Variants in PCNX1 observed in about 807,000 individuals in gnomAD.
The protein encoded by PCNX1 is pecanex-like protein 1.
A neutral mutation model predicts 242.2 loss-of-function variants in PCNX1; 78 were observed. That is an observed-to-expected ratio of 0.32 (90% CI 0.27 to 0.39). The LOEUF is 0.39. PCNX1 is among the 10% of genes least tolerant of loss of function. The probability of loss-of-function intolerance (pLI) is 1.00; values close to 1 mark genes in which losing one functional copy is unlikely to be tolerated. For missense variants in PCNX1, 2,581 were observed against 2,856.5 expected, an observed-to-expected ratio of 0.90 and a Z score of 2.20; for synonymous variants, 1,024 against 1,032.9, an observed-to-expected ratio of 0.99 and a Z score of 0.17.
chr14:70,983,429 C>T (rs951051533), intron 6 of PCNX1, among the ~76,000 whole-genome samples: 2 of 152,022 alleles, frequency 1.3e-5, no homozygotes, highest in South Asian at 2.1e-4. Flanking sequence ...CTCAGCCTCC[C>T]GAGTAGCTGG....
chr14:70,995,505 A>G (rs112342664), intron 7 of PCNX1, among the ~76,000 whole-genome samples: 288 of 152,276 alleles, frequency 1.9e-3, no homozygotes, highest in Non-Finnish European at 3.1e-3. Flanking sequence ...CAGATTGACC[A>G]ATTTACATGT....
At chr14:71,033,669 A>G in intron 17 of PCNX1, 131 bp downstream of exon 17, 2 of 598,986 alleles carry the variant, frequency 3.3e-6, no homozygotes, top group Non-Finnish European at 2.9e-6. Context: ...TTAAGTTTCA[A>G]AATATAATAA....
Position 71,009,621 on chromosome 14 carries a change from A to G in PCNX1, c.2630-13A>G, listed in dbSNP as rs2059765403. ...ATTCTAATGGCTTTTTAAAATAATC[A>G]TTTATTTGCTAGGTAAGTTCTCTTC... On this transcript the variant is annotated splice_polypyrimidine_tract_variant and intron_variant, in intron 8 of 35. Transcript: ENST00000304743. 2.7e-6 allele frequency: 4 copies of G among 1,459,904 alleles called. No individual in the cohort carries two copies. The highest frequency in any genetic ancestry group is 2.8e-5 in the African/African-American group (2 of 71,766). 90.4% of individuals were successfully genotyped at this position (1,459,904 alleles called of 1,614,324 possible).
rs2062583921 is a variant in PCNX1 at position 71,105,374 on chromosome 14, G to C, written c.6235G>C (p.Gly2079Arg). 1 of 1,613,934 alleles carries C rather than the reference G, an allele frequency of 6.2e-7. No homozygotes were observed. The highest frequency in any genetic ancestry group is 1.3e-5 in the African/African-American group (1 of 74,884). The change falls in exon 33 of 36, where the codon GGA becomes CGA. Residue 2079 changes from glycine (G) to arginine (R), a missense_variant. Gly to Arg is a moderately radical substitution (Grantham distance 125). Coordinates refer to ENST00000304743, the MANE Select transcript of PCNX1 (RefSeq NM_014982.3). ...PHSNVTQGSIGNPGQGSGTGL... is the reference protein window; with the variant it reads ...PHSNVTQGSIRNPGQGSGTGL... The stretch of plus-strand genomic sequence containing the variant: ...CAGCAACGTGACCCAGGGAAGCATT[G>C]GAAATCCTGGGCAGGGATCAGGAAC...
chr14:71,023,686 A>G (rs926133011), intron 13 of PCNX1, among the ~76,000 whole-genome samples: 1 of 152,114 alleles, frequency 6.6e-6, no homozygotes, highest in Non-Finnish European at 1.5e-5. Flanking sequence ...TTGAATAAAA[A>G]CTTTGTTATT....
At chr14:70,923,228 C>T (rs2056447772) in intron 1 of PCNX1, among the ~76,000 whole-genome samples, 1 of 151,922 alleles carries the variant, frequency 6.6e-6, no homozygotes. Context: ...TTAAAGATTT[C>T]CCCTATTTTT....
chr14:71,000,733 C>T (rs1442065465), intron 8 of PCNX1, among the ~76,000 whole-genome samples: 1 of 151,856 alleles, frequency 6.6e-6, no homozygotes, highest in East Asian at 1.9e-4. Flanking sequence ...GCCATGTTGG[C>T]CAGGCTGGTC....
chr14:71,032,376 A>T (rs2060412249), intron 16 of PCNX1, among the ~76,000 whole-genome samples: 1 of 152,162 alleles, frequency 6.6e-6, no homozygotes, highest in African/African-American at 2.4e-5. Flanking sequence ...CTGCCACTTA[A>T]CTGGACAAAT....
intron 14 of PCNX1, 69 bp downstream of exon 14, chr14:71,026,357 TATATC>T: frequency 2.2e-6 from 2 of 913,242 alleles, no homozygotes; most frequent in South Asian, 2.1e-5. Flanking sequence ...TACTGATAAA[TATATC>T]AATTATACAG....
At chr14:71,059,445 G>A (rs12884478) in intron 26 of PCNX1, among the ~76,000 whole-genome samples, 9,451 of 151,874 alleles carry the variant, frequency 0.062, 426 homozygotes, top group East Asian at 0.27. Context: ...GTGCAGTGGC[G>A]TGATCACAGC....
At chr14:70,958,824 A>C (rs1332360070) in intron 2 of PCNX1, among the ~76,000 whole-genome samples, 3 of 138,474 alleles carry the variant, frequency 2.2e-5, no homozygotes, top group African/African-American at 7.9e-5. Flanking sequence ...CCTAAACCTG[A>C]GGGTGGGGTC....
intron 1 of PCNX1, among the ~76,000 whole-genome samples, chr14:70,912,213 C>T (rs1245055419): frequency 6.7e-6 from 1 of 148,194 alleles, no homozygotes; most frequent in East Asian, 2.0e-4. Context: ...CCAGCCTGGG[C>T]GACAGAGCGA....
intron 8 of PCNX1, among the ~76,000 whole-genome samples, chr14:70,997,175 A>G (rs998296731): frequency 6.6e-6 from 1 of 152,124 alleles, no homozygotes; most frequent in African/African-American, 2.4e-5. Context: ...TTTTAGTTGT[A>G]AGCAATACTT....
intron 1 of PCNX1, among the ~76,000 whole-genome samples, chr14:70,919,998 A>C (rs1423612437): frequency 6.6e-6 from 1 of 152,044 alleles, no homozygotes; most frequent in Non-Finnish European, 1.5e-5. Flanking sequence ...AGGAAGATTA[A>C]TCACAACTTT....
intron 27 of PCNX1, among the ~76,000 whole-genome samples, chr14:71,075,369 TTA>T (rs1248133855): frequency 1.3e-5 from 2 of 152,174 alleles, no homozygotes; most frequent in Non-Finnish European, 2.9e-5. Context: ...GCCTTCCATT[TTA>T]TGTTTGGCTT....
chr14:71,105,703 G>A (rs549344986), intron 33 of PCNX1, among the ~76,000 whole-genome samples: 4 of 150,854 alleles, frequency 2.7e-5, no homozygotes, highest in African/African-American at 7.3e-5. Context: ...CACCACGCCC[G>A]GCTATTTTTT....
rs533822368 is a variant in PCNX1, at chr14:70,918,334, A to G, written c.153+10331A>G. 1.1e-4 allele frequency among the ~76,000 whole-genome samples: 16 copies of G among 152,298 alleles called. No individual in the cohort carries two copies. The South Asian group carries it at 1.7e-3, about 16-fold the overall frequency. Reference sequence around the variant, plus strand: ...TTTCCAGCTTTTTGTTTAAAGTGAGAGAAACGTGACTCTTCCTTTCACTTG... The same window carrying G: ...TTTCCAGCTTTTTGTTTAAAGTGAGGGAAACGTGACTCTTCCTTTCACTTG... On this transcript the variant is annotated intron_variant, in intron 1 of 35. Transcript: ENST00000304743.
At chr14:70,923,700 TC>T (rs1425924188) in intron 1 of PCNX1, among the ~76,000 whole-genome samples, 2 of 152,204 alleles carry the variant, frequency 1.3e-5, no homozygotes, top group South Asian at 2.1e-4. Flanking sequence ...CATCTGTCCA[TC>T]GGTAGCTAAG....
intron 1 of PCNX1, among the ~76,000 whole-genome samples, chr14:70,908,874 G>GAA (rs1465463517): frequency 6.6e-6 from 1 of 152,244 alleles, no homozygotes; most frequent in Non-Finnish European, 1.5e-5. Context: ...AAGCAACATT[G>GAA]AAAGTTGTTA....
Sources: allele counts gnomAD v4.1 joint callset (sites outside exome capture counted in the v4.1 genomes callset), GRCh38; gene constraint gnomAD v4.1.1; transcripts MANE v1.5; gene names NCBI Gene and HGNC (gene_info 2026-07-23, HGNC 2026-07-21).